AGBL4: variants seen among roughly 807,000 people sequenced by gnomAD.
The protein encoded by AGBL4 is cytosolic carboxypeptidase 6.
Under a neutral mutation model 66.4 loss-of-function variants are expected in AGBL4, and 58 were observed. That is an observed-to-expected ratio of 0.87 (90% CI 0.71 to 1.09). The LOEUF (loss-of-function observed/expected upper bound fraction) is 1.09. Ranked by LOEUF, AGBL4 falls within the 50% of genes least tolerant of loss-of-function variation. The probability of loss-of-function intolerance (pLI) is 0.00; values close to 1 mark genes in which losing one functional copy is unlikely to be tolerated. For synonymous variants in AGBL4, 234 were observed against 222.9 expected, an observed-to-expected ratio of 1.05 and a Z score of -0.44; for missense variants, 579 against 631.0, an observed-to-expected ratio of 0.92 and a Z score of 0.88.
intron 4 of AGBL4, among the ~76,000 whole-genome samples, chr1:49,070,438 T>C (rs1015467770): frequency 6.6e-6 from 1 of 152,000 alleles, no homozygotes; most frequent in Non-Finnish European, 1.5e-5. Context: ...GTTTTTAGCA[T>C]GAAGGGCTGT....
intron 4 of AGBL4, among the ~76,000 whole-genome samples, chr1:49,145,800 C>T (rs145409200): frequency 1.8e-4 from 28 of 152,296 alleles, no homozygotes; most frequent in African/African-American, 6.0e-4. Flanking sequence ...GAGATACCTG[C>T]ACTCTCATGT....
intron 1 of AGBL4, among the ~76,000 whole-genome samples, chr1:49,883,416 A>G (rs1328241695): frequency 1.3e-5 from 2 of 152,124 alleles, no homozygotes; most frequent in Non-Finnish European, 2.9e-5. Context: ...GTGTTCCCAC[A>G]GAACATTGTT....
chr1:48,528,410 G>T (rs1311331172), downstream of AGBL4, among the ~76,000 whole-genome samples: 1 of 152,144 alleles, frequency 6.6e-6, no homozygotes, highest in Non-Finnish European at 1.5e-5. Context: ...CATGGGGTCA[G>T]CTAAAAATAG....
At chr1:49,856,015 A>G (rs1646423733) in intron 1 of AGBL4, among the ~76,000 whole-genome samples, 1 of 145,214 alleles carries the variant, frequency 6.9e-6, no homozygotes. Context: ...CGATACAAAG[A>G]GAGAAGACTC....
intron 2 of AGBL4, among the ~76,000 whole-genome samples, chr1:49,777,635 A>AAAAAC (rs1419485547): frequency 1.3e-5 from 2 of 152,170 alleles, no homozygotes; most frequent in African/African-American, 2.4e-5. Context: ...GTACCTAGTC[A>AAAAAC]AAAACAAAAC....
At chr1:49,253,855 G>A (rs990617510) in intron 3 of AGBL4, among the ~76,000 whole-genome samples, 20 of 152,206 alleles carry the variant, frequency 1.3e-4, no homozygotes, top group African/African-American at 4.8e-4. Context: ...TGCAAGGTTG[G>A]TTCAACATAC....
At position 49,903,455 on chromosome 1, in the gene AGBL4, A is replaced by C. The variant is rs148773325; in HGVS notation, c.35-51937T>G. Among the ~76,000 whole-genome samples the C allele has an allele frequency of 3.8e-4, 58 of 152,262 alleles. 1 individual carries two copies. In the East Asian group the frequency reaches 0.011, roughly 28 times the overall value. On this transcript the variant is annotated intron_variant, in intron 1 of 13. Transcript: ENST00000371839. ...AATCTGTACACCGAACCCCTGTTAC[A>C]CACAGTTTACCTATATAACAAGTCT...
At chr1:49,367,476 T>G (rs1008386516) in intron 3 of AGBL4, among the ~76,000 whole-genome samples, 4 of 152,216 alleles carry the variant, frequency 2.6e-5, no homozygotes, top group African/African-American at 9.7e-5. Context: ...CTATGCTTCA[T>G]GTATAGCTTG....
intron 6 of AGBL4, among the ~76,000 whole-genome samples, chr1:48,785,234 C>A (rs1645382490): frequency 6.6e-6 from 1 of 152,184 alleles, no homozygotes; most frequent in South Asian, 2.1e-4. Context: ...TGGTCTATCT[C>A]TGCCTATAGA....
chr1:48,806,960 G>A (rs997142678), intron 6 of AGBL4, among the ~76,000 whole-genome samples: 21 of 152,012 alleles, frequency 1.4e-4, no homozygotes, highest in African/African-American at 4.4e-4. Context: ...GTATCTGTGC[G>A]GAAGTATCTA....
intron 2 of AGBL4, among the ~76,000 whole-genome samples, chr1:49,805,427 G>T (rs1205748770): frequency 6.6e-6 from 1 of 152,090 alleles, no homozygotes; most frequent in Non-Finnish European, 1.5e-5. Context: ...TTCTGTAAAG[G>T]GGAGCAGAGA....
intron 5 of AGBL4, among the ~76,000 whole-genome samples, chr1:49,027,058 G>A (rs966491141): frequency 6.6e-6 from 1 of 152,164 alleles, no homozygotes; most frequent in Non-Finnish European, 1.5e-5. Context: ...AATGAAATAG[G>A]CTGTGTATAA....
At chr1:49,184,728 T>G (rs1010974377) in intron 4 of AGBL4, among the ~76,000 whole-genome samples, 1 of 152,210 alleles carries the variant, frequency 6.6e-6, no homozygotes, top group African/African-American at 2.4e-5. Flanking sequence ...ACATCACATT[T>G]GTGCAGTATA....
chr1:49,918,734 T>G (rs984800416), intron 1 of AGBL4, among the ~76,000 whole-genome samples: 1 of 152,194 alleles, frequency 6.6e-6, no homozygotes, highest in Non-Finnish European at 1.5e-5. Flanking sequence ...TAACTCATTT[T>G]ATGAGGCCAA....
At chr1:49,490,533 G>C (rs1250402438) in intron 3 of AGBL4, among the ~76,000 whole-genome samples, 11 of 151,610 alleles carry the variant, frequency 7.3e-5, no homozygotes, top group Non-Finnish European at 1.5e-5. Context: ...ATCAAAGTTT[G>C]CTAGCCTCTT....
intron 6 of AGBL4, among the ~76,000 whole-genome samples, chr1:48,701,641 T>C (rs1646803905): frequency 6.6e-6 from 1 of 152,150 alleles, no homozygotes; most frequent in Non-Finnish European, 1.5e-5. Flanking sequence ...TAATAGACAT[T>C]AAAATGCTTT....
chr1:49,578,640 G>A (rs1644482619), intron 3 of AGBL4, among the ~76,000 whole-genome samples: 3 of 152,230 alleles, frequency 2.0e-5, no homozygotes, highest in South Asian at 4.1e-4. Context: ...GAGATTTACT[G>A]ACTTCATATC....
At chr1:49,747,555 T>C (rs1012156281) in intron 2 of AGBL4, among the ~76,000 whole-genome samples, 4 of 152,206 alleles carry the variant, frequency 2.6e-5, no homozygotes, top group Middle Eastern at 3.2e-3. Context: ...AAGTTTTTCC[T>C]AACCCAAAAT....
intron 2 of AGBL4, among the ~76,000 whole-genome samples, chr1:49,832,458 C>T (rs1000323328): frequency 9.3e-5 from 14 of 150,468 alleles, no homozygotes; most frequent in East Asian, 7.7e-4. Flanking sequence ...AATAAACATA[C>T]GTGTGCATGT....
Sources: gnomAD v4.1 joint callset for allele counts (sites outside exome capture counted in the v4.1 genomes callset) on GRCh38, gnomAD v4.1.1 for gene constraint, MANE v1.5 for transcripts, NCBI Gene and HGNC (gene_info 2026-07-23, HGNC 2026-07-21) for gene names.